The following NAV1 variants were observed in gnomAD, a reference collection of about 807,000 sequenced individuals.
NAV1 encodes the protein pore membrane and/or filament interacting like protein 3.
Under a neutral mutation model 175.2 loss-of-function variants are expected in NAV1, and 18 were observed. The observed-to-expected ratio is 0.10, with a 90% CI of 0.07 to 0.15. The LOEUF (loss-of-function observed/expected upper bound fraction) is 0.15. Among genes scored for constraint, NAV1 ranks in the 10% least tolerant of loss-of-function variants. The probability of loss-of-function intolerance (pLI) is 1.00; values close to 1 mark genes in which losing one functional copy is unlikely to be tolerated. For synonymous variants in NAV1, 897 were observed against 978.7 expected, an observed-to-expected ratio of 0.92 and a Z score of 1.56; for missense variants, 1,731 against 2,436.6, an observed-to-expected ratio of 0.71 and a Z score of 6.10.
At chr1:201,667,225 G>T (rs888235422) in intron 1 of NAV1, among the ~76,000 whole-genome samples, 5 of 152,220 alleles carry the variant, frequency 3.3e-5, no homozygotes, top group African/African-American at 1.2e-4. Flanking sequence ...TCCTGGTGCA[G>T]TGATTTCCCC....
intron 3 of NAV1, among the ~76,000 whole-genome samples, chr1:201,749,276 C>G (rs1367399713): frequency 2.6e-5 from 4 of 152,236 alleles, no homozygotes; most frequent in Non-Finnish European, 4.4e-5. Context: ...GCCTCACTTC[C>G]TCATCCCCAC....
chr1:201,539,633 C>T lies in NAV1; in HGVS notation c.-144+291C>T, dbSNP rs900986792. On this transcript the variant is annotated intron_variant, in intron 1 of 33. Coordinates refer to the NAV1 transcript ENST00000685211. The surrounding 1 kb of genome is among the most constrained non-coding windows in gnomAD (Gnocchi z 5.6). The stretch of plus-strand genomic sequence containing the variant: ...CGGGGGGGCTGCCTAACTTCAGTCC[C>T]TCTGAGCCTCAGTTTCCTTGTTGTG... Among the ~76,000 whole-genome samples the T allele has an allele frequency of 6.6e-6, 1 of 152,170 alleles. No individual in the cohort carries two copies. The highest frequency in any genetic ancestry group is 1.5e-5 in the Non-Finnish European group (1 of 68,012).
At chr1:201,578,128 T>C (rs1666746025) in intron 1 of NAV1, among the ~76,000 whole-genome samples, 1 of 152,222 alleles carries the variant, frequency 6.6e-6, no homozygotes, top group South Asian at 2.1e-4. Flanking sequence ...ACACGAAAGT[T>C]AGATCTTTTG....
chr1:201,710,249 T>C (rs1671849144), intron 1 of NAV1, among the ~76,000 whole-genome samples: 2 of 151,986 alleles, frequency 1.3e-5, no homozygotes, highest in Admixed American at 6.6e-5. Context: ...TTTAAAAAAT[T>C]GTGGTAGCAT....
At chr1:201,646,605 T>C (rs539906447), upstream of NAV1, among the ~76,000 whole-genome samples, 2 of 152,320 alleles carry the variant, frequency 1.3e-5, no homozygotes, top group East Asian at 1.9e-4. Flanking sequence ...ACTTCTCTGC[T>C]TGAGAACTCT....
chr1:201,740,013 A>C lies in NAV1; in HGVS notation c.1226+21258A>C, dbSNP rs1273027858. Reference sequence around the variant, plus strand: ...TGCCCACCCGGTGAATGGCCGCCTGAGCCGGGGAAGATGCTTCATCTGCCC... The same window carrying C: ...TGCCCACCCGGTGAATGGCCGCCTGCGCCGGGGAAGATGCTTCATCTGCCC... On this transcript the variant is annotated intron_variant, in intron 3 of 29. Coordinates refer to ENST00000367296, the Ensembl canonical transcript of NAV1. This position sits in a 1 kb window ranked among gnomAD's most constrained non-coding sequence, Gnocchi z 4.7. 6.8e-7 allele frequency: 1 copy of C among 1,479,104 alleles called. No homozygotes were observed. Among genetic ancestry groups the C allele is most frequent in the African/African-American group, 1.5e-5 (1 of 68,862 alleles). 91.6% of individuals were successfully genotyped at this position (1,479,104 alleles called of 1,614,324 possible). A position where few individuals can be genotyped will look rare whatever the true frequency, so the allele number is the denominator to read the frequency against.
At chr1:201,802,016 A>T (rs1677907028) in intron 15 of NAV1, among the ~76,000 whole-genome samples, 1 of 149,536 alleles carries the variant, frequency 6.7e-6, no homozygotes, top group Admixed American at 6.7e-5. Flanking sequence ...GGGCGCCTGT[A>T]GTCCCAGCTA....
intron 3 of NAV1, among the ~76,000 whole-genome samples, chr1:201,759,182 A>G (rs188594994): frequency 6.6e-6 from 1 of 152,228 alleles, no homozygotes; most frequent in African/African-American, 2.4e-5. Flanking sequence ...CAGCTCCACT[A>G]GAAGTATAAT....
chr1:201,753,613 G>C (rs1674273541), intron 3 of NAV1, among the ~76,000 whole-genome samples: 1 of 152,198 alleles, frequency 6.6e-6, no homozygotes, highest in Non-Finnish European at 1.5e-5. Flanking sequence ...CATTGGCTAG[G>C]ATAAATGTTT....
intron 2 of NAV1, among the ~76,000 whole-genome samples, chr1:201,714,207 G>A (rs920890999): frequency 1.2e-4 from 18 of 152,134 alleles, no homozygotes; most frequent in Non-Finnish European, 2.5e-4. Flanking sequence ...CACCGCGCCC[G>A]GCCAACTCAC....
chr1:201,663,078 G>A lies in NAV1; in HGVS notation c.757+13653G>A, dbSNP rs535280146. On this transcript the variant is annotated intron_variant, in intron 1 of 29. Transcript: ENST00000367296. ...TGCTTCTGCCCCCGGTCCATGTGGC[G>A]GAATAGGGATGCCCATGGTTTCATG... Among the ~76,000 whole-genome samples, 4 of 152,302 alleles carry A rather than the reference G, an allele frequency of 2.6e-5. No homozygotes were observed. In the East Asian group the frequency reaches 5.8e-4, roughly 22 times the overall value.
chr1:201,712,838 G>C, exon 2 of NAV1: 1 of 1,613,866 alleles, frequency 6.2e-7, no homozygotes, highest in South Asian at 1.1e-5. Context: ...CAGAGAAAGA[G>C]GACAGTGCAG....
At chr1:201,804,759 C>A (rs192572631) in intron 17 of NAV1, among the ~76,000 whole-genome samples, 2 of 152,262 alleles carry the variant, frequency 1.3e-5, no homozygotes, top group East Asian at 3.9e-4. Context: ...ATATTCCCTA[C>A]TATCTTCCCC....
At chr1:201,580,221 C>A (rs138293615) in intron 1 of NAV1, among the ~76,000 whole-genome samples, 73 of 152,288 alleles carry the variant, frequency 4.8e-4, no homozygotes, top group African/African-American at 1.6e-3. Flanking sequence ...CTTACTCAGT[C>A]CACTGACTCA....
chr1:201,754,548 A>G (rs993358090), intron 3 of NAV1, among the ~76,000 whole-genome samples: 11 of 152,186 alleles, frequency 7.2e-5, no homozygotes, highest in East Asian at 1.9e-4. Flanking sequence ...CCAAGTTCCA[A>G]TGAGTGGGGG....
At chr1:201,731,502 T>C (rs936382806) in intron 3 of NAV1, among the ~76,000 whole-genome samples, 1 of 152,118 alleles carries the variant, frequency 6.6e-6, no homozygotes, top group Non-Finnish European at 1.5e-5. Flanking sequence ...CCCTTCTCCT[T>C]TGGCCAGCTC....
chr1:201,573,396 A>G (rs1453250148), intron 1 of NAV1, among the ~76,000 whole-genome samples: 1 of 152,220 alleles, frequency 6.6e-6, no homozygotes, highest in Non-Finnish European at 1.5e-5. Context: ...GGAAGGAAGG[A>G]AGGGAGGGGA....
At chr1:201,734,982 C>T (rs1047348754) in intron 3 of NAV1, among the ~76,000 whole-genome samples, 17 of 152,146 alleles carry the variant, frequency 1.1e-4, no homozygotes, top group African/African-American at 3.9e-4. Context: ...CAGGTCTCCT[C>T]GAAGGTTATA....
exon 2 of NAV1, chr1:201,629,485 T>G (rs1421514238): frequency 1.5e-6 from 2 of 1,303,910 alleles, no homozygotes; most frequent in African/African-American, 1.5e-5. Flanking sequence ...TCCATGAGAC[T>G]GAGGAGAGCT....
Sources: gnomAD v4.1 joint callset for allele counts (sites outside exome capture counted in the v4.1 genomes callset) on GRCh38, gnomAD v4.1.1 for gene constraint, Gnocchi (gnomAD v3.1) non-coding constraint, MANE v1.5 for transcripts, NCBI Gene and HGNC (gene_info 2026-07-23, HGNC 2026-07-21) for gene names.